Variants in AARS2 observed in about 807,000 individuals in gnomAD.
The protein encoded by AARS2 is alanyl-tRNA synthetase 2, mitochondrial.
A neutral mutation model predicts 119.7 loss-of-function variants in AARS2; 78 were observed. That is an observed-to-expected ratio of 0.65 (90% CI 0.54 to 0.79). The LOEUF (loss-of-function observed/expected upper bound fraction) is 0.79. Ranked by LOEUF, AARS2 falls within the 30% of genes least tolerant of loss-of-function variation. The pLI is 0.00. For missense variants in AARS2, 1,157 were observed against 1,291.3 expected (o/e 0.90, Z 1.59); for synonymous variants, 502 against 526.3 (o/e 0.95, Z 0.63).
At position 44,305,154 on chromosome 6, in the gene AARS2, C is replaced by G. The variant is rs1561939887; in HGVS notation, c.1479G>C (p.Trp493Cys). ...QAEPVQKQGL[W>C]LDVHALGELQ... ...GCTCCCCAAGCGCATGGACATCAAG[C>G]CACAATCCCTGCTTCTGAACTGGCT... The change falls in exon 11 of 22, where the codon TGG becomes TGC. Residue 493 changes from tryptophan to cysteine, a missense_variant. By Grantham distance (215) the Trp-to-Cys change is radical (BLOSUM62 -2). Transcript: ENST00000244571. This position sits in a 1 kb window ranked among gnomAD's most constrained non-coding sequence, Gnocchi z 4.6. 1.2e-6 allele frequency: 2 copies of G among 1,613,660 alleles called. No individual in the cohort carries two copies. Among genetic ancestry groups the G allele is most frequent in the Non-Finnish European group, 1.7e-6 (2 of 1,180,038 alleles).
At chr6:44,309,937 C>G (rs546591285) in intron 5 of AARS2, among the ~76,000 whole-genome samples, 1 of 152,334 alleles carries the variant, frequency 6.6e-6, no homozygotes, top group Non-Finnish European at 1.5e-5. Context: ...TGTTCACAAT[C>G]TGTAAGCTAT....
rs1561944690 is a variant in AARS2 at position 44,313,251 on chromosome 6, G to A, written c.73C>T (p.Leu25Phe). 2 of 1,578,672 alleles carry A rather than the reference G, an allele frequency of 1.3e-6. No individual in the cohort carries two copies. The highest frequency in any genetic ancestry group is 1.8e-5 in the Admixed American group (1 of 55,484). ...TCCGATGAGAGCGGCCGATGGCTGA[G>A]GCCCCGCCATGCGGGCGACCTTCGA... is the stretch of plus-strand genomic sequence containing the variant. ...AIRRSPAWRG[L>F]SHRPLSSEPP... Residue 25 changes from leucine (L) to phenylalanine (F), a missense_variant, in exon 1 of 22, where the codon CTC becomes TTC. Transcript: ENST00000244571.
chr6:44,311,233 C>T, intron 3 of AARS2, 72 bp from the exon 4 acceptor site: 2 of 1,599,888 alleles, frequency 1.3e-6, no homozygotes, highest in Admixed American at 1.7e-5. Flanking sequence ...GCCATGAGAG[C>T]CCCTCCCTCA....
Position 44,302,180 on chromosome 6 carries a change from G to A in AARS2, c.2488-10C>T, listed in dbSNP as rs763254942. The A allele has an allele frequency of 1.8e-5, 29 of 1,613,890 alleles. No homozygotes were observed. The highest frequency in any genetic ancestry group is 2.3e-5 in the Non-Finnish European group (27 of 1,179,976). On this transcript the variant is annotated splice_polypyrimidine_tract_variant and intron_variant, in intron 18 of 21. Transcript: ENST00000244571. ...CAGCAGTTTCCACAGCCTATGGCCAGAAGCAGTACATCACCCCTGCCCTTC... is the reference window on the plus strand; with the variant it reads ...CAGCAGTTTCCACAGCCTATGGCCAAAAGCAGTACATCACCCCTGCCCTTC...
rs1785751218 is a variant in AARS2, at chr6:44,305,356, A to G, written c.1435-158T>C. ...GCTTGGCTGGCTGCTAGAGCCCCTG[A>G]GCTGGTTGAACCATCCATCATGTCG... On this transcript the variant is annotated intron_variant, in intron 10 of 21. Coordinates refer to ENST00000244571, the MANE Select transcript of AARS2 (RefSeq NM_020745.4). The surrounding 1 kb of genome is among the most constrained non-coding windows in gnomAD (Gnocchi z 4.6). 6.6e-6 allele frequency among the ~76,000 whole-genome samples: 1 copy of G among 152,120 alleles called. No individual in the cohort carries two copies. Among genetic ancestry groups the G allele is most frequent in the African/African-American group, 2.4e-5 (1 of 41,444 alleles).
At chr6:44,301,054 C>T (rs1303267306) in intron 21 of AARS2, 102 bp downstream of exon 21, 1 of 1,052,864 alleles carries the variant, frequency 9.5e-7, no homozygotes, top group Non-Finnish European at 1.4e-6. Flanking sequence ...ATACTTCCAC[C>T]CAGCCTTGGC....
intron 5 of AARS2, among the ~76,000 whole-genome samples, chr6:44,309,039 G>C (rs1466464378): frequency 2.0e-5 from 3 of 152,132 alleles, no homozygotes; most frequent in African/African-American, 7.2e-5. Flanking sequence ...CTTTAAAATG[G>C]GACTTTACAG....
intron 20 of AARS2, 47 bp from the exon 21 acceptor site, chr6:44,301,313 T>G: frequency 3.7e-6 from 6 of 1,612,980 alleles, no homozygotes; most frequent in Non-Finnish European, 5.1e-6. Flanking sequence ...CCCAGACCCC[T>G]AGCTGTCTCC....
At chr6:44,302,243 C>T in intron 18 of AARS2, 73 bp from the exon 19 acceptor site, 1 of 1,608,440 alleles carries the variant, frequency 6.2e-7, no homozygotes, top group Non-Finnish European at 8.5e-7. Context: ...CCAGCAGGGC[C>T]AGGGAAGACA....
In AARS2 at chr6:44,313,072, G is replaced by A; in HGVS notation, c.243+9C>T. ...ACTCCGCTCCCTATCAGTATGGTTC[G>A]GCCCTCACCTGGTTCATGCCCGCAT... On this transcript the variant is annotated intron_variant, in intron 1 of 21. Coordinates refer to ENST00000244571, the MANE Select transcript of AARS2 (RefSeq NM_020745.4). 1.9e-6 allele frequency: 3 copies of A among 1,612,952 alleles called. No homozygotes were observed. Among genetic ancestry groups the A allele is most frequent in the Non-Finnish European group, 1.7e-6 (2 of 1,179,958 alleles).
In AARS2 at chr6:44,301,145, A is replaced by G. The variant is rs767281932; in HGVS notation, c.2793+11T>C. ...AATGGGGGCGGTGGGCTGCTCTCCC[A>G]CTTCCCTCACCTGGGCCACCTGACA... On this transcript the variant is annotated intron_variant, in intron 21 of 21. Transcript: ENST00000244571. 1.9e-6 allele frequency: 3 copies of G among 1,609,940 alleles called. No individual in the cohort carries two copies. The highest frequency in any genetic ancestry group is 2.5e-6 in the Non-Finnish European group (3 of 1,177,278).
Position 44,305,305 on chromosome 6 carries a change from C to T in AARS2, c.1435-107G>A, listed in dbSNP as rs976958950. 12 of 1,523,782 alleles carry T rather than the reference C, an allele frequency of 7.9e-6. No individual in the cohort carries two copies. The highest frequency in any genetic ancestry group is 5.1e-5 in the Admixed American group (3 of 58,676). 94.4% of individuals were successfully genotyped at this position (1,523,782 alleles called of 1,614,324 possible). On this transcript the variant is annotated intron_variant, in intron 10 of 21. Coordinates refer to ENST00000244571, the MANE Select transcript of AARS2 (RefSeq NM_020745.4). This position sits in a 1 kb window ranked among gnomAD's most constrained non-coding sequence, Gnocchi z 4.6. The stretch of plus-strand genomic sequence containing the variant: ...CCCTGCCACACAGCTGTGGACTCTG[C>T]AGCCCTTCTGGAATAAGAACTCAGG...
intron 5 of AARS2, among the ~76,000 whole-genome samples, chr6:44,309,217 T>C (rs1373264099): frequency 6.6e-6 from 1 of 152,212 alleles, no homozygotes; most frequent in Non-Finnish European, 1.5e-5. Flanking sequence ...AAGCCCAGAC[T>C]AGCCAGCTAG....
chr6:44,313,180 G>A lies in AARS2; in HGVS notation c.144C>T (p.Asn48=), dbSNP rs1421868090. The change falls in exon 1 of 22, where the codon AAC becomes AAT. Residue 48 remains asparagine (N), a synonymous_variant. Transcript: ENST00000244571. Reference sequence around the variant, plus strand: ...GGTGGCCATGGCGGTCCCGAAAGAAGTTCAGAAAGGCGGCCCTCACGGCCG... The same window carrying A: ...GGTGGCCATGGCGGTCCCGAAAGAAATTCAGAAAGGCGGCCCTCACGGCCG... The part of the protein sequence containing the change: ...KASAVRAAFL[N]FFRDRHGHRL... The A allele has an allele frequency of 1.9e-6, 3 of 1,612,764 alleles. No individual in the cohort carries two copies. The Admixed American group carries it at 5.0e-5, about 27-fold the overall frequency.
At chr6:44,310,868 T>C (rs1388314008) in intron 4 of AARS2, 126 bp downstream of exon 4, 6 of 1,234,228 alleles carry the variant, frequency 4.9e-6, no homozygotes, top group Middle Eastern at 1.9e-4. Context: ...GTGTTGAGAA[T>C]TGTGCCTGAC....
At chr6:44,311,677 A>G in intron 2 of AARS2, 142 bp from the exon 3 acceptor site, 1 of 1,050,866 alleles carries the variant, frequency 9.5e-7, no homozygotes, top group Non-Finnish European at 1.4e-6. Context: ...ATAAGCCATG[A>G]ACCATTACTG....
chr6:44,303,138 A>G lies in AARS2; in HGVS notation c.2183T>C (p.Val728Ala). The G allele has an allele frequency of 6.2e-7, 1 of 1,614,058 alleles. No homozygotes were observed. Among genetic ancestry groups the G allele is most frequent in the Non-Finnish European group, 8.5e-7 (1 of 1,180,016 alleles). ...TGGGTCCAATGCATGGGCCACGGGC[A>G]CCCCCACTGATACCACCCGCACAGG... Reference protein sequence around the residue: ...PDPVRVVSVGVPVAHALDPAS... With the variant: ...PDPVRVVSVGAPVAHALDPAS... Residue 728 changes from valine to alanine, a missense_variant, in exon 16 of 22, where the codon GTG becomes GCG. Physicochemically the swap from Val to Ala is moderately conservative, Grantham distance 64. Transcript: ENST00000244571.
chr6:44,303,725 C>T (rs908190978), intron 14 of AARS2, among the ~76,000 whole-genome samples: 3 of 152,142 alleles, frequency 2.0e-5, no homozygotes, highest in African/African-American at 7.2e-5. Flanking sequence ...GAAGAGAGAA[C>T]TACAGGATGG....
At chr6:44,312,404 G>C in intron 1 of AARS2, 141 bp from the exon 2 acceptor site, 2 of 841,694 alleles carry the variant, frequency 2.4e-6, no homozygotes, top group Non-Finnish European at 3.7e-6. Context: ...CTTGGTCTAT[G>C]AGGACAAACT....
Sources: allele counts gnomAD v4.1 joint callset (sites outside exome capture counted in the v4.1 genomes callset), GRCh38; gene constraint gnomAD v4.1.1; non-coding constraint Gnocchi (gnomAD v3.1); transcripts MANE v1.5; gene names NCBI Gene and HGNC (gene_info 2026-07-23, HGNC 2026-07-21).